CKAP5: variants seen among roughly 807,000 people sequenced by gnomAD.
CKAP5 encodes the protein cytoskeleton-associated protein 5.
A neutral mutation model predicts 232.8 loss-of-function variants in CKAP5; 27 were observed. The observed-to-expected ratio is 0.12, with a 90% CI of 0.09 to 0.16. The LOEUF (loss-of-function observed/expected upper bound fraction) is 0.16. CKAP5 is among the 10% of genes least tolerant of loss of function. CKAP5 has a pLI of 1.00. For missense variants in CKAP5, 1,838 were observed against 2,424.7 expected, an observed-to-expected ratio of 0.76 and a Z score of 5.08; for synonymous variants, 785 against 841.1, an observed-to-expected ratio of 0.93 and a Z score of 1.16.
At chr11:46,788,829 A>G (rs2065421446) in intron 15 of CKAP5, 56 bp from the exon 16 acceptor site, 1 of 1,263,700 alleles carries the variant, frequency 7.9e-7, no homozygotes, top group South Asian at 1.3e-5. Context: ...TTCCAAAGGA[A>G]GAGTAAATAC....
intron 1 of CKAP5, among the ~76,000 whole-genome samples, chr11:46,834,707 G>A (rs1313884330): frequency 1.3e-5 from 2 of 152,062 alleles, no homozygotes; most frequent in African/African-American, 2.4e-5. Context: ...TATTCAAGGG[G>A]ACTATCCATA....
chr11:46,797,780 C>A, intron 11 of CKAP5, 25 bp downstream of exon 11: 1 of 1,580,798 alleles, frequency 6.3e-7, no homozygotes, highest in Non-Finnish European at 8.6e-7. Context: ...TAAAATATTC[C>A]CCCAACTTCA....
chr11:46,763,575 G>C lies in CKAP5; in HGVS notation c.3593C>G (p.Thr1198Ser). Residue 1198 changes from threonine (T) to serine (S), a missense_variant, in exon 29 of 44, where the codon ACT becomes AGT. Thr to Ser is a moderately conservative substitution (Grantham distance 58, BLOSUM62 1). Transcript: ENST00000529230. Reference sequence around the variant, plus strand: ...TTTAGCCACACAGCTAGACATTTGAGTCTTTAGTTGCTCAATGTATTCATC... The same window carrying C: ...TTTAGCCACACAGCTAGACATTTGACTCTTTAGTTGCTCAATGTATTCATC... ...PRDEYIEQLK[T>S]QMSSCVAKWL... The C allele has an allele frequency of 6.3e-7, 1 of 1,598,890 alleles. No individual in the cohort carries two copies. Among genetic ancestry groups the C allele is most frequent in the South Asian group, 1.1e-5 (1 of 89,200 alleles).
At chr11:46,745,200 C>T (rs1278737073) in intron 42 of CKAP5, among the ~76,000 whole-genome samples, 3 of 152,154 alleles carry the variant, frequency 2.0e-5, no homozygotes, top group African/African-American at 4.8e-5. Flanking sequence ...TGATACAATG[C>T]GGGCCTTTAA....
In CKAP5 at chr11:46,818,402, G is replaced by T; in HGVS notation, c.159C>A (p.Ile53=). ...SPEWSKFLGL[I]KKFVTDSNAV... Reference sequence around the variant, plus strand: ...CATTGGAATCAGTGACAAATTTTTTGATCAATCCTAAAAATTTGGACCACT... The same window carrying T: ...CATTGGAATCAGTGACAAATTTTTTTATCAATCCTAAAAATTTGGACCACT... Residue 53 remains isoleucine (I), a synonymous_variant, in exon 3 of 44, where the codon ATC becomes ATA. Transcript: ENST00000529230. The T allele has an allele frequency of 1.2e-6, 2 of 1,611,256 alleles. No homozygotes were observed. Among genetic ancestry groups the T allele is most frequent in the South Asian group, 1.1e-5 (1 of 90,594 alleles).
rs1401322832 is a variant in CKAP5, at chr11:46,760,798, A to C, written c.4222-14T>G. ...CTTTTCAGAAAGCTGTAAAGAGGCC[A>C]AATTTAGAAACCTAACTGGATAACA... On this transcript the variant is annotated splice_polypyrimidine_tract_variant and intron_variant, in intron 32 of 43. Coordinates refer to ENST00000529230, the MANE Select transcript of CKAP5 (RefSeq NM_001008938.4). 1.9e-6 allele frequency: 3 copies of C among 1,608,914 alleles called. No homozygotes were observed. Among genetic ancestry groups the C allele is most frequent in the Non-Finnish European group, 2.5e-6 (3 of 1,177,748 alleles).
chr11:46,809,382 A>T lies in CKAP5; in HGVS notation c.864+18T>A. The T allele has an allele frequency of 2.1e-6, 3 of 1,423,646 alleles. No homozygotes were observed. The highest frequency in any genetic ancestry group is 3.0e-6 in the Non-Finnish European group (3 of 1,014,592). 88.2% of individuals were successfully genotyped at this position (1,423,646 alleles called of 1,614,324 possible). A position where few individuals can be genotyped will look rare whatever the true frequency, so the allele number is the denominator to read the frequency against. ...TATTTTACAAGAAATAAATGAAAGA[A>T]GTTTAACTATTACTTACAATTTTGT... On this transcript the variant is annotated intron_variant, in intron 7 of 43. Coordinates refer to ENST00000529230, the MANE Select transcript of CKAP5 (RefSeq NM_001008938.4).
intron 13 of CKAP5, among the ~76,000 whole-genome samples, chr11:46,792,046 AGTATG>A (rs1023262703): frequency 2.0e-5 from 3 of 152,256 alleles, no homozygotes; most frequent in African/African-American, 7.2e-5. Context: ...TCATATCGAC[AGTATG>A]GTTTTGCTGG....
At chr11:46,835,050 A>G (rs898069177) in intron 1 of CKAP5, among the ~76,000 whole-genome samples, 1 of 151,244 alleles carries the variant, frequency 6.6e-6, no homozygotes, top group Non-Finnish European at 1.5e-5. Flanking sequence ...TCGTTTCGCG[A>G]CCTTTGTGAT....
In CKAP5 at chr11:46,770,938, G is replaced by T. The variant is rs575154110; in HGVS notation, c.3036C>A (p.Thr1012=). ...LAEKLPTLRS[T]PTDLILCVPH... is the part of the protein sequence containing the mutation. ...GAACACAAAGGATAAGGTCTGTAGGGGTGGAACGAAGAGTAGGTAGTTTCT... is the reference window on the plus strand; with the variant it reads ...GAACACAAAGGATAAGGTCTGTAGGTGTGGAACGAAGAGTAGGTAGTTTCT... The change falls in exon 25 of 44, where the codon ACC becomes ACA. Residue 1012 remains threonine, a synonymous_variant. Transcript: ENST00000529230. 4.8e-5 allele frequency: 78 copies of T among 1,613,560 alleles called. No individual in the cohort carries two copies. The Middle Eastern group carries it at 8.3e-4, about 17-fold the overall frequency.
intron 7 of CKAP5, among the ~76,000 whole-genome samples, chr11:46,808,369 G>A (rs556803158): frequency 6.6e-6 from 1 of 152,242 alleles, no homozygotes; most frequent in East Asian, 1.9e-4. Context: ...GTGAAACCCT[G>A]TCTCTACTAA....
intron 38 of CKAP5, 39 bp downstream of exon 38, chr11:46,752,596 A>G: frequency 6.6e-7 from 1 of 1,509,302 alleles, no homozygotes. Context: ...AAGTGATTGC[A>G]TCTTTGAAAG....
intron 1 of CKAP5, among the ~76,000 whole-genome samples, chr11:46,841,086 T>G (rs559049395): frequency 2.0e-5 from 3 of 151,878 alleles, no homozygotes; most frequent in Admixed American, 2.0e-4. Context: ...CTGGCCAAAA[T>G]GGAGAAACCC....
At chr11:46,751,019 T>A in intron 40 of CKAP5, 99 bp downstream of exon 40, 1 of 1,433,988 alleles carries the variant, frequency 7.0e-7, no homozygotes, top group Non-Finnish European at 9.7e-7. Context: ...AGCCTTCACC[T>A]TGGACCTTCG....
chr11:46,772,500 T>A (rs1249217334), intron 24 of CKAP5, among the ~76,000 whole-genome samples: 2 of 152,176 alleles, frequency 1.3e-5, no homozygotes, highest in Non-Finnish European at 2.9e-5. Flanking sequence ...CATTTTTTTG[T>A]TTATGGATGT....
chr11:46,802,557 G>GACACACACACACACACAC (rs1254439046), intron 8 of CKAP5, among the ~76,000 whole-genome samples: 1 of 147,432 alleles, frequency 6.8e-6, no homozygotes, highest in African/African-American at 2.5e-5. Context: ...CAGACAGACA[G>GACACACACACACACACAC]ACACACACAC....
At chr11:46,810,653 T>C (rs1282784899) in intron 5 of CKAP5, among the ~76,000 whole-genome samples, 3 of 152,104 alleles carry the variant, frequency 2.0e-5, no homozygotes, top group Non-Finnish European at 2.9e-5. Context: ...ACAGCATAAG[T>C]CAAACCAACT....
At chr11:46,812,220 AC>A (rs1439488011) in intron 4 of CKAP5, among the ~76,000 whole-genome samples, 15 of 151,990 alleles carry the variant, frequency 9.9e-5, no homozygotes, top group African/African-American at 3.6e-4. Context: ...AATCCCAGCT[AC>A]CTGGGAGACT....
intron 1 of CKAP5, among the ~76,000 whole-genome samples, chr11:46,827,816 A>C (rs1317870876): frequency 6.6e-6 from 1 of 152,202 alleles, no homozygotes; most frequent in African/African-American, 2.4e-5. Context: ...AACGGCATTA[A>C]TATTTCAAGG....
Sources: gnomAD v4.1 joint callset for allele counts (sites outside exome capture counted in the v4.1 genomes callset) on GRCh38, gnomAD v4.1.1 for gene constraint, MANE v1.5 for transcripts, NCBI Gene and HGNC (gene_info 2026-07-23, HGNC 2026-07-21) for gene names.